CCDC112: variants seen among roughly 807,000 people sequenced by gnomAD.
The protein encoded by CCDC112 is coiled-coil domain-containing protein 112.
CCDC112 carries 40 observed loss-of-function variants against 66.3 expected under a neutral mutation model. That is an observed-to-expected ratio of 0.60 (90% CI 0.47 to 0.79). The LOEUF (loss-of-function observed/expected upper bound fraction) is 0.79. Among genes scored for constraint, CCDC112 ranks in the 30% least tolerant of loss-of-function variants. The probability of loss-of-function intolerance (pLI) is 0.00; values close to 1 mark genes in which losing one functional copy is unlikely to be tolerated. For missense variants in CCDC112, 659 were observed against 603.8 expected, an observed-to-expected ratio of 1.09 and a Z score of -0.96; for synonymous variants, 214 against 197.2, an observed-to-expected ratio of 1.09 and a Z score of -0.71.
At chr5:115,274,819 T>C (rs1749136119) in intron 6 of CCDC112, among the ~76,000 whole-genome samples, 1 of 152,208 alleles carries the variant, frequency 6.6e-6, no homozygotes, top group African/African-American at 2.4e-5. Context: ...CAGATCACTG[T>C]AGCCTCAACC....
chr5:115,269,936 A>G, intron 7 of CCDC112, 138 bp from the exon 8 acceptor site: 1 of 570,024 alleles, frequency 1.8e-6, no homozygotes, highest in Non-Finnish European at 3.0e-6. Context: ...AAAGCCTAAG[A>G]GCTTTATTTT....
intron 1 of CCDC112, among the ~76,000 whole-genome samples, chr5:115,288,037 T>C (rs754755721): frequency 1.8e-4 from 27 of 150,798 alleles, no homozygotes; most frequent in Non-Finnish European, 3.2e-4. Flanking sequence ...CTGGAGTACA[T>C]TGGTACCATA....
Position 115,269,125 on chromosome 5 carries a change from C to A in CCDC112, c.1429-125G>T, listed in dbSNP as rs1580792572. The A allele has an allele frequency of 6.1e-6, 3 of 489,206 alleles. No individual in the cohort carries two copies. The East Asian group carries it at 1.0e-4, about 16-fold the overall frequency. 30.3% of individuals were successfully genotyped at this position (489,206 alleles called of 1,614,324 possible). On this transcript the variant is annotated intron_variant, in intron 8 of 9. Transcript: ENST00000379611. ...TATTGGCTAATAAAACCATTAATAA[C>A]CTCAGTAAACTTCTCATTGGGCTCA...
rs985217230 is a variant in CCDC112 at position 115,276,078 on chromosome 5, G to T, written c.452-9C>A. The T allele has an allele frequency of 6.3e-7, 1 of 1,576,498 alleles. No individual in the cohort carries two copies. Among genetic ancestry groups the T allele is most frequent in the African/African-American group, 1.4e-5 (1 of 72,894 alleles). ...TCTGAGCTTCTCAACAACTGTAAAA[G>T]AAACACGGAAAATTATTTTGTGCCA... is the stretch of plus-strand genomic sequence containing the variant. On this transcript the variant is annotated splice_polypyrimidine_tract_variant and intron_variant, in intron 4 of 9. Coordinates refer to ENST00000379611, the MANE Select transcript of CCDC112 (RefSeq NM_001040440.3).
intron 6 of CCDC112, among the ~76,000 whole-genome samples, chr5:115,272,216 C>T (rs1483397659): frequency 6.6e-6 from 1 of 152,178 alleles, no homozygotes; most frequent in Non-Finnish European, 1.5e-5. Context: ...AGCCACCGTG[C>T]CAGGCCTATC....
intron 2 of CCDC112, 72 bp from the exon 3 acceptor site, chr5:115,279,840 TC>T: frequency 6.2e-6 from 5 of 810,992 alleles, no homozygotes; most frequent in Non-Finnish European, 9.5e-6. Context: ...ATGAAGACAC[TC>T]AATAATCCGT....
intron 1 of CCDC112, chr5:115,296,215 G>A (rs1230066156): frequency 6.2e-6 from 8 of 1,280,336 alleles, no homozygotes; most frequent in South Asian, 2.4e-5. Context: ...TTCCCACCCA[G>A]GTCTTCCTCG....
intron 4 of CCDC112, 91 bp downstream of exon 4, chr5:115,276,874 G>A (rs1275603235): frequency 1.3e-6 from 1 of 768,106 alleles, no homozygotes; most frequent in East Asian, 2.7e-5. Context: ...ATAAACTTAA[G>A]TCCTAACCAA....
intron 1 of CCDC112, among the ~76,000 whole-genome samples, chr5:115,290,967 G>A (rs542882403): frequency 2.0e-5 from 3 of 152,080 alleles, no homozygotes; most frequent in East Asian, 3.9e-4. Flanking sequence ...TTTCCAATAC[G>A]AATGCTTTTT....
intron 3 of CCDC112, among the ~76,000 whole-genome samples, chr5:115,278,546 A>T (rs1277193317): frequency 6.6e-6 from 1 of 152,170 alleles, no homozygotes; most frequent in Non-Finnish European, 1.5e-5. Flanking sequence ...TAAAGTTGCC[A>T]TAATAAAGGG....
Position 115,269,812 on chromosome 5 carries a change from A to C in CCDC112, c.1333-14T>G, listed in dbSNP as rs772076125. The C allele has an allele frequency of 1.3e-5, 19 of 1,460,108 alleles. No individual in the cohort carries two copies. The highest frequency in any genetic ancestry group is 2.6e-5 in the South Asian group (2 of 78,274). The allele number at this position is 1,460,108 out of a possible 1,614,324, so 90.4% of individuals were successfully genotyped here. A position where few individuals can be genotyped will look rare whatever the true frequency, so the allele number is the denominator to read the frequency against. On this transcript the variant is annotated splice_polypyrimidine_tract_variant and intron_variant, in intron 7 of 9. Coordinates refer to ENST00000379611, the MANE Select transcript of CCDC112 (RefSeq NM_001040440.3). ...TTTATGTAAATCCTTAAAAAAAAAA[A>C]CCCATAGCATTAAGAAAGCATGTGA... is the stretch of plus-strand genomic sequence containing the variant.
At chr5:115,282,048 T>C (rs969265345) in intron 2 of CCDC112, among the ~76,000 whole-genome samples, 12 of 152,180 alleles carry the variant, frequency 7.9e-5, no homozygotes, top group Admixed American at 2.0e-4. Flanking sequence ...TATGTGGGTA[T>C]GGTAATTAAT....
At chr5:115,274,025 A>G (rs1473353651) in intron 6 of CCDC112, among the ~76,000 whole-genome samples, 1 of 152,132 alleles carries the variant, frequency 6.6e-6, no homozygotes, top group Non-Finnish European at 1.5e-5. Context: ...TTATTTCTTT[A>G]ATATTCCTTG....
intron 5 of CCDC112, 136 bp downstream of exon 5, chr5:115,275,857 CA>C: frequency 8.3e-6 from 6 of 720,454 alleles, no homozygotes; most frequent in Non-Finnish European, 1.3e-5. Context: ...AAACTGAAAA[CA>C]AAAAAGATAT....
chr5:115,278,435 A>G (rs940510519), intron 3 of CCDC112, among the ~76,000 whole-genome samples: 3 of 152,116 alleles, frequency 2.0e-5, no homozygotes, highest in African/African-American at 7.2e-5. Flanking sequence ...CAGGAAAAAC[A>G]TAAAGTGTAG....
At chr5:115,269,667 G>C in intron 8 of CCDC112, 36 bp downstream of exon 8, 1 of 1,383,444 alleles carries the variant, frequency 7.2e-7, no homozygotes, top group East Asian at 2.4e-5. Context: ...AAGGAATTAG[G>C]ATAATAACAA....
rs188798232 is a variant in CCDC112, at chr5:115,270,854, G to A, written c.1332+359C>T. Among the ~76,000 whole-genome samples, 27 of 152,276 alleles carry A rather than the reference G, an allele frequency of 1.8e-4. No homozygotes were observed. In the East Asian group the frequency reaches 5.0e-3, roughly 28 times the overall value. ...CTTTCAAGCTGCTATTCATGCTGTT[G>A]TCTCTGCTAGGAAGGACCTCATTTT... On this transcript the variant is annotated intron_variant, in intron 7 of 9. Coordinates refer to ENST00000379611, the MANE Select transcript of CCDC112 (RefSeq NM_001040440.3).
chr5:115,271,922 C>CTTTT (rs34279929), intron 6 of CCDC112, among the ~76,000 whole-genome samples: 5 of 131,920 alleles, frequency 3.8e-5, no homozygotes, highest in Admixed American at 7.9e-5. Flanking sequence ...TTTACTGCTT[C>CTTTT]TTTTTTTTTT....
intron 1 of CCDC112, among the ~76,000 whole-genome samples, chr5:115,290,314 C>T (rs1053471898): frequency 6.6e-6 from 1 of 152,142 alleles, no homozygotes; most frequent in Non-Finnish European, 1.5e-5. Flanking sequence ...TATGTCTTGA[C>T]TCTCATTGAT....
Sources: gnomAD v4.1 joint callset for allele counts (sites outside exome capture counted in the v4.1 genomes callset) on GRCh38, gnomAD v4.1.1 for gene constraint, MANE v1.5 for transcripts, NCBI Gene and HGNC (gene_info 2026-07-23, HGNC 2026-07-21) for gene names.